Variants in NXN observed in about 807,000 individuals in gnomAD.
The protein encoded by NXN is nucleoredoxin 1.
In NXN, 16 loss-of-function variants were observed where a neutral mutation model predicts 48.6. That is an observed-to-expected ratio of 0.33 (90% CI 0.22 to 0.50). The LOEUF (loss-of-function observed/expected upper bound fraction) is 0.50, where lower values mean the gene tolerates loss of function less well. NXN is among the 20% of genes least tolerant of loss of function. The pLI is 0.98. For missense variants in NXN, 492 were observed against 605.5 expected (o/e 0.81, Z 1.97); for synonymous variants, 281 against 269.6 (o/e 1.04, Z -0.41).
chr17:811,673 G>A (rs533649765), intron 5 of NXN, among the ~76,000 whole-genome samples: 65 of 152,244 alleles, frequency 4.3e-4, no homozygotes, highest in African/African-American at 1.5e-3. Flanking sequence ...GCCTGTCAGC[G>A]GCAGTGGGAC....
At chr17:828,624 A>G (rs1288608275) in intron 1 of NXN, among the ~76,000 whole-genome samples, 4 of 151,172 alleles carry the variant, frequency 2.6e-5, no homozygotes, top group Admixed American at 2.6e-4. Context: ...CTGGTCTGGA[A>G]CTCCTGACCT....
In NXN at chr17:926,703, G is replaced by A. The variant is rs141721637; in HGVS notation, c.360+52616C>T. ...TCAGACCACAGGCGTGCACCACCACGTCGGCTCATTTTTGTATTTTTTGTA... is the reference window on the plus strand; with the variant it reads ...TCAGACCACAGGCGTGCACCACCACATCGGCTCATTTTTGTATTTTTTGTA... On this transcript the variant is annotated intron_variant, in intron 1 of 7. Transcript: ENST00000336868. Among the ~76,000 whole-genome samples, 1,414 of 149,038 alleles carry A rather than the reference G, an allele frequency of 9.5e-3. 22 individuals are homozygous for A. Among genetic ancestry groups the A allele is most frequent in the African/African-American group, 0.03 (1,190 of 40,256 alleles).
At chr17:863,650 T>TG (rs2068064342) in intron 1 of NXN, among the ~76,000 whole-genome samples, 1 of 152,044 alleles carries the variant, frequency 6.6e-6, no homozygotes, top group Non-Finnish European at 1.5e-5. Context: ...TTTGTAGAGA[T>TG]GGGGGTCTCT....
intron 1 of NXN, among the ~76,000 whole-genome samples, chr17:924,299 C>T (rs1006567297): frequency 3.3e-5 from 5 of 152,286 alleles, no homozygotes; most frequent in South Asian, 2.1e-4. Flanking sequence ...TGCAATGGCG[C>T]GATCTCGGCT....
In NXN at chr17:826,093, G is replaced by A; in HGVS notation, c.361-15C>T. Reference sequence around the variant, plus strand: ...CAAAGTTTGAGCTGTATGAAGAAAAGCAAAAGAAGGTGGTTAAGTCCAAAC... The same window carrying A: ...CAAAGTTTGAGCTGTATGAAGAAAAACAAAAGAAGGTGGTTAAGTCCAAAC... On this transcript the variant is annotated splice_polypyrimidine_tract_variant and intron_variant, in intron 1 of 7. Coordinates refer to ENST00000336868, the MANE Select transcript of NXN (RefSeq NM_022463.5). 1 of 1,557,836 alleles carries A rather than the reference G, an allele frequency of 6.4e-7. No individual in the cohort carries two copies. Among genetic ancestry groups the A allele is most frequent in the South Asian group, 1.1e-5 (1 of 89,912 alleles).
chr17:973,851 G>A (rs764456333), intron 1 of NXN, among the ~76,000 whole-genome samples: 2 of 151,198 alleles, frequency 1.3e-5, no homozygotes, highest in Non-Finnish European at 3.0e-5. Context: ...GGTTAATTTT[G>A]TATTTTTAGT....
At chr17:896,888 T>G (rs1228572139) in intron 1 of NXN, 1 of 889,622 alleles carries the variant, frequency 1.1e-6, no homozygotes, top group African/African-American at 1.9e-5. Flanking sequence ...AAACTCACGC[T>G]ATTTCTCAGT....
chr17:806,518 C>T (rs1911534064), intron 5 of NXN, among the ~76,000 whole-genome samples: 1 of 152,160 alleles, frequency 6.6e-6, no homozygotes, highest in South Asian at 2.1e-4. Flanking sequence ...CTACAGGCCC[C>T]CACCCACGGC....
At chr17:892,956 G>A (rs1417311835) in intron 1 of NXN, among the ~76,000 whole-genome samples, 1 of 152,248 alleles carries the variant, frequency 6.6e-6, no homozygotes, top group African/African-American at 2.4e-5. Context: ...GGTAATGACA[G>A]CAGGAATACC....
intron 4 of NXN, among the ~76,000 whole-genome samples, chr17:820,985 G>C (rs372807813): frequency 1.4e-5 from 1 of 72,680 alleles, no homozygotes; most frequent in East Asian, 4.2e-4. Context: ...TTCACGCTGA[G>C]ACGGGAGCTG....
chr17:809,955 GTGTGAGTGGCGTGTACGTTACGAGTC>G (rs1296810119), intron 5 of NXN, among the ~76,000 whole-genome samples: 6,332 of 121,036 alleles, frequency 0.052, 481 homozygotes, highest in Middle Eastern at 0.083. Context: ...TTACGAGTCT[GTGTGAGTGGCGTGTACGTTACGAGTC>G]TGTGAGTGGC....
At chr17:916,190 G>A (rs556809250) in intron 1 of NXN, among the ~76,000 whole-genome samples, 2 of 152,244 alleles carry the variant, frequency 1.3e-5, no homozygotes, top group East Asian at 3.9e-4. Context: ...TGGCACGTCG[G>A]CAACAGAAAT....
chr17:861,297 C>T lies in NXN; in HGVS notation c.361-35219G>A, dbSNP rs960633344. On this transcript the variant is annotated intron_variant, in intron 1 of 7. Transcript: ENST00000336868. ...TACAAACAAGTGCCACTATGCTCGG[C>T]TAATTTTTCTGTTTTTAGTAGAGAC... Among the ~76,000 whole-genome samples, 3 of 152,144 alleles carry T rather than the reference C, an allele frequency of 2.0e-5. No individual in the cohort carries two copies. The South Asian group carries it at 6.2e-4, about 32-fold the overall frequency.
intron 1 of NXN, among the ~76,000 whole-genome samples, chr17:928,267 C>T (rs1393118069): frequency 1.3e-5 from 2 of 152,184 alleles, no homozygotes; most frequent in African/African-American, 2.4e-5. Context: ...GCTAACTTCA[C>T]ATCTCATTCC....
At chr17:939,754 C>T (rs1021736611) in intron 1 of NXN, among the ~76,000 whole-genome samples, 7 of 152,194 alleles carry the variant, frequency 4.6e-5, no homozygotes, top group Non-Finnish European at 7.3e-5. Context: ...GACAAGGCTG[C>T]CTTGTGATGT....
chr17:829,068 A>G (rs1209089562), intron 1 of NXN, among the ~76,000 whole-genome samples: 1 of 151,658 alleles, frequency 6.6e-6, no homozygotes, highest in Non-Finnish European at 1.5e-5. Context: ...AACCTTCACC[A>G]ACATTATCAC....
At chr17:898,553 C>G (rs1208043099) in intron 1 of NXN, among the ~76,000 whole-genome samples, 1 of 71,938 alleles carries the variant, frequency 1.4e-5, no homozygotes, top group African/African-American at 3.2e-5. Flanking sequence ...CTCGTCCGGA[C>G]GCCATCTCCT....
At chr17:835,290 A>G in intron 1 of NXN, among the ~76,000 whole-genome samples, 1 of 150,706 alleles carries the variant, frequency 6.6e-6, no homozygotes, top group Non-Finnish European at 1.5e-5. Flanking sequence ...CCTGGAAGAC[A>G]GACCGAGACT....
rs180837278 is a variant in NXN, at chr17:858,848, T to C, written c.361-32770A>G. Among the ~76,000 whole-genome samples the C allele has an allele frequency of 7.0e-4, 106 of 152,318 alleles. 1 individual carries two copies. Among genetic ancestry groups the C allele is most frequent in the African/African-American group, 2.4e-3 (98 of 41,580 alleles). On this transcript the variant is annotated intron_variant, in intron 1 of 7. Transcript: ENST00000336868. ...ACCAGAGGAAACTTGTTAGAACAGATTGGAGTTCCTGCTCTTCCCTCACTC... is the reference window on the plus strand; with the variant it reads ...ACCAGAGGAAACTTGTTAGAACAGACTGGAGTTCCTGCTCTTCCCTCACTC...
Sources: gnomAD v4.1 joint callset for allele counts (sites outside exome capture counted in the v4.1 genomes callset) on GRCh38, gnomAD v4.1.1 for gene constraint, MANE v1.5 for transcripts, NCBI Gene and HGNC (gene_info 2026-07-23, HGNC 2026-07-21) for gene names.